Variants in CAMKMT observed in about 807,000 individuals in gnomAD.
CAMKMT encodes the protein CaM KMT.
CAMKMT carries 53 observed loss-of-function variants against 48.0 expected under a neutral mutation model. The ratio of observed to expected loss-of-function variants is 1.10; its 90% confidence interval spans 0.89 to 1.39. The LOEUF (loss-of-function observed/expected upper bound fraction) is 1.39. CAMKMT is among the 40% of genes most tolerant of loss of function. The probability of loss-of-function intolerance (pLI) is 0.00; values close to 1 mark genes in which losing one functional copy is unlikely to be tolerated. For synonymous variants in CAMKMT, 165 were observed against 152.3 expected (o/e 1.08, Z -0.61); for missense variants, 428 against 402.7 (o/e 1.06, Z -0.54).
At chr2:44,675,931 T>C (rs1449579113) in intron 3 of CAMKMT, among the ~76,000 whole-genome samples, 2 of 152,232 alleles carry the variant, frequency 1.3e-5, no homozygotes, top group African/African-American at 4.8e-5. Context: ...AGTATTTTTC[T>C]TTTTGTGGCT....
At chr2:44,390,369 TG>T (rs1681211815) in intron 3 of CAMKMT, 64 bp downstream of exon 3, 1 of 1,169,956 alleles carries the variant, frequency 8.5e-7, no homozygotes, top group African/African-American at 1.5e-5. Flanking sequence ...TTATAGTTGA[TG>T]TTTTCTTCTC....
chr2:44,704,199 C>T, intron 3 of CAMKMT, 84 bp from the exon 4 acceptor site: 1 of 1,003,384 alleles, frequency 1.0e-6, no homozygotes, highest in Non-Finnish European at 1.5e-6. Flanking sequence ...GTTGAAATAG[C>T]TTGTACTGAA....
chr2:44,505,914 C>T (rs1670237317), intron 3 of CAMKMT, among the ~76,000 whole-genome samples: 1 of 151,990 alleles, frequency 6.6e-6, no homozygotes, highest in Non-Finnish European at 1.5e-5. Flanking sequence ...GTTGCCCAGG[C>T]TGAAGTGCAG....
intron 7 of CAMKMT, among the ~76,000 whole-genome samples, chr2:44,722,183 T>C (rs1291168764): frequency 2.7e-5 from 4 of 148,404 alleles, no homozygotes; most frequent in East Asian, 1.9e-4. Flanking sequence ...TTTCTTTTTT[T>C]TTTTTTTTTT....
intron 3 of CAMKMT, among the ~76,000 whole-genome samples, chr2:44,479,419 A>C (rs1476293041): frequency 6.6e-6 from 1 of 152,200 alleles, no homozygotes; most frequent in Non-Finnish European, 1.5e-5. Context: ...TTCCTATCTC[A>C]GATCACCTAG....
At chr2:44,608,435 AT>A (rs1275958363) in intron 3 of CAMKMT, among the ~76,000 whole-genome samples, 3 of 152,060 alleles carry the variant, frequency 2.0e-5, no homozygotes, top group African/African-American at 7.2e-5. Context: ...AATTGTACTT[AT>A]TTATGGGGCA....
intron 3 of CAMKMT, among the ~76,000 whole-genome samples, chr2:44,497,809 C>T (rs1669827910): frequency 6.6e-6 from 1 of 151,108 alleles, no homozygotes; most frequent in South Asian, 2.1e-4. Context: ...AAGCAGGCAT[C>T]AGAGCTGGAT....
chr2:44,584,787 G>A (rs1669758149), intron 3 of CAMKMT, among the ~76,000 whole-genome samples: 1 of 152,116 alleles, frequency 6.6e-6, no homozygotes, highest in Non-Finnish European at 1.5e-5. Context: ...GGGTGCGGTG[G>A]CTCACACCTG....
At chr2:44,586,433 C>A (rs903846370) in intron 3 of CAMKMT, among the ~76,000 whole-genome samples, 3 of 151,998 alleles carry the variant, frequency 2.0e-5, no homozygotes, top group African/African-American at 4.8e-5. Context: ...TTTTGTAGTC[C>A]TTCCTACCCT....
At chr2:44,617,324 A>T (rs1382762653) in intron 3 of CAMKMT, among the ~76,000 whole-genome samples, 1 of 152,168 alleles carries the variant, frequency 6.6e-6, no homozygotes, top group Non-Finnish European at 1.5e-5. Flanking sequence ...TTGTAATATG[A>T]TAACACATTT....
chr2:44,753,249 C>CAAAAAAAAAAAA lies in CAMKMT; in HGVS notation c.699-792_699-781dup, dbSNP rs772390371. Among the ~76,000 whole-genome samples, 3 of 65,462 alleles carry CAAAAAAAAAAAA rather than the reference C, an allele frequency of 4.6e-5. 1 individual carries two copies. The highest frequency in any genetic ancestry group is 1.4e-4 in the African/African-American group (2 of 14,722). 42.9% of individuals were successfully genotyped at this position (65,462 alleles called of 152,430 possible). On this transcript the variant is annotated intron_variant, in intron 8 of 10. Transcript: ENST00000378494. ...GCAACAGAGTGAGACCCTGTCCCTA[C>CAAAAAAAAAAAA]AAAAAAAAAAAAAAAAAAAAAAAAA...
chr2:44,376,275 ATGGTGGT>A (rs1350575070), intron 2 of CAMKMT, among the ~76,000 whole-genome samples: 1 of 151,990 alleles, frequency 6.6e-6, no homozygotes, highest in Admixed American at 6.6e-5. Context: ...TTAGCTGGAC[ATGGTGGT>A]TCATGCCTGT....
intron 3 of CAMKMT, among the ~76,000 whole-genome samples, chr2:44,476,281 A>G (rs1484537575): frequency 6.6e-6 from 1 of 152,038 alleles, no homozygotes; most frequent in African/African-American, 2.4e-5. Context: ...AAAAAAAAGT[A>G]GTAGGAGATT....
chr2:44,754,078 C>T lies in CAMKMT; in HGVS notation c.722C>T (p.Ala241Val). 6.2e-7 allele frequency: 1 copy of T among 1,613,962 alleles called. No individual in the cohort carries two copies. Among genetic ancestry groups the T allele is most frequent in the Non-Finnish European group, 8.5e-7 (1 of 1,179,894 alleles). ...ADCLFLDQYR[A>V]SLVDAIKRLL... ...AGCCTGTTTCTGGACCAGTACAGAG[C>T]CAGCCTTGTTGATGCAATAAAGAGA... Residue 241 changes from alanine (A) to valine (V), a missense_variant, in exon 9 of 11, where the codon GCC becomes GTC. Coordinates refer to ENST00000378494, the MANE Select transcript of CAMKMT (RefSeq NM_024766.5).
At chr2:44,691,819 C>G (rs1429348519) in intron 3 of CAMKMT, among the ~76,000 whole-genome samples, 2 of 152,166 alleles carry the variant, frequency 1.3e-5, no homozygotes, top group Non-Finnish European at 2.9e-5. Context: ...CTCATAGTCC[C>G]TGGGCAGCAT....
chr2:44,447,005 G>C (rs1469534769), intron 3 of CAMKMT, among the ~76,000 whole-genome samples: 1 of 152,116 alleles, frequency 6.6e-6, no homozygotes, highest in Non-Finnish European at 1.5e-5. Flanking sequence ...AATGTAACTC[G>C]TATTCCTGAC....
At chr2:44,753,866 T>C (rs1037765983) in intron 8 of CAMKMT, among the ~76,000 whole-genome samples, 189 bp from the exon 9 acceptor site, 2 of 152,236 alleles carry the variant, frequency 1.3e-5, no homozygotes, top group African/African-American at 4.8e-5. Context: ...TTGGCTTTAG[T>C]TGGATAACAC....
At chr2:44,639,270 TA>T (rs1043058830) in intron 3 of CAMKMT, among the ~76,000 whole-genome samples, 1 of 152,242 alleles carries the variant, frequency 6.6e-6, no homozygotes, top group Non-Finnish European at 1.5e-5. Flanking sequence ...AATGAGCTTA[TA>T]TCAAGGTAAT....
At chr2:44,469,738 G>A (rs929709475) in intron 3 of CAMKMT, among the ~76,000 whole-genome samples, 1 of 151,886 alleles carries the variant, frequency 6.6e-6, no homozygotes, top group Non-Finnish European at 1.5e-5. Flanking sequence ...TCATCACCAT[G>A]CATCTGTCTC....
Sources: allele counts gnomAD v4.1 joint callset (sites outside exome capture counted in the v4.1 genomes callset), GRCh38; gene constraint gnomAD v4.1.1; transcripts MANE v1.5; gene names NCBI Gene and HGNC (gene_info 2026-07-23, HGNC 2026-07-21).